Variants in TNXB observed in about 807,000 individuals in gnomAD.
The protein encoded by TNXB is tenascin XB, also known as tenascin-X.
In TNXB, 183 loss-of-function variants were observed where a neutral mutation model predicts 340.5. The ratio of observed to expected loss-of-function variants is 0.54; its 90% CI spans 0.48 to 0.61. The LOEUF (loss-of-function observed/expected upper bound fraction) is 0.61. TNXB is among the 20% of genes least tolerant of loss of function. The pLI, the probability that TNXB is intolerant of heterozygous loss-of-function variation, is 0.00. For synonymous variants in TNXB, 2,121 were observed against 2,314.5 expected (o/e 0.92, Z 2.40); for missense variants, 4,613 against 5,446.4 (o/e 0.85, Z 4.82).
Position 32,058,894 on chromosome 6 carries a change from T to C in TNXB, c.7493-504A>G, listed in dbSNP as rs1260251080. Among the ~76,000 whole-genome samples, 4 of 151,896 alleles carry C rather than the reference T, an allele frequency of 2.6e-5. No individual in the cohort carries two copies. The highest frequency in any genetic ancestry group is 4.4e-5 in the Non-Finnish European group (3 of 68,040). On this transcript the variant is annotated intron_variant, in intron 21 of 43. Transcript: ENST00000644971. This position sits in a 1 kb window ranked among gnomAD's most constrained non-coding sequence, Gnocchi z 5.1. ...GTTGTGTAGCCGTGAGGTGAATGAT[T>C]ACAATGTACTTGTGTACAAAAAAGG...
rs1780346210 is a variant in TNXB, at chr6:32,096,242, A to G, written c.1611T>C (p.Leu537=). The G allele has an allele frequency of 6.4e-7, 1 of 1,567,920 alleles. No individual in the cohort carries two copies. Among genetic ancestry groups the G allele is most frequent in the South Asian group, 1.2e-5 (1 of 85,844 alleles). The change falls in exon 3 of 44, where the codon CTT becomes CTC. Residue 537 remains leucine (L), a synonymous_variant. Transcript: ENST00000644971. The stretch of plus-strand genomic sequence containing the variant: ...CACACACGCACACGCCATCCTCGCA[A>G]AGGCCGTGCCCACGGCAGTCCCCGG... ...RCPGDCRGHG[L]CEDGVCVCDA...
In TNXB at chr6:32,082,945, C is replaced by T. The variant is rs1306131132; in HGVS notation, c.3446-619G>A. 2.6e-5 allele frequency among the ~76,000 whole-genome samples: 4 copies of T among 152,180 alleles called. No homozygotes were observed. The highest frequency in any genetic ancestry group is 9.7e-5 in the African/African-American group (4 of 41,436). On this transcript the variant is annotated intron_variant, in intron 8 of 43. Coordinates refer to ENST00000644971, the MANE Select transcript of TNXB (RefSeq NM_001365276.2). The surrounding 1 kb of genome is among the most constrained non-coding windows in gnomAD (Gnocchi z 5.0). Reference sequence around the variant, plus strand: ...ACCCCCACTCTGTGTGCATCTCTCTCTAGCCTCCATCTTCCCTCTTTGCTC... The same window carrying T: ...ACCCCCACTCTGTGTGCATCTCTCTTTAGCCTCCATCTTCCCTCTTTGCTC...
In TNXB at chr6:32,102,672, G is replaced by A. The variant is rs1268728988; in HGVS notation, c.-8-4466C>T. On this transcript the variant is annotated intron_variant, in intron 1 of 43. Coordinates refer to ENST00000644971, the MANE Select transcript of TNXB (RefSeq NM_001365276.2). Reference sequence around the variant, plus strand: ...TGCAGTGGCTCATGCCTGTAATCCCGGCACTTTGGGAAGCCGAGGCGGGCG... The same window carrying A: ...TGCAGTGGCTCATGCCTGTAATCCCAGCACTTTGGGAAGCCGAGGCGGGCG... Among the ~76,000 whole-genome samples the A allele has an allele frequency of 3.3e-5, 5 of 151,326 alleles. No individual in the cohort carries two copies. In the South Asian group the frequency reaches 6.3e-4, roughly 19 times the overall value.
intron 3 of TNXB, 134 bp downstream of exon 3, chr6:32,095,477 G>A: frequency 8.6e-7 from 1 of 1,169,530 alleles, no homozygotes; most frequent in Non-Finnish European, 1.2e-6. Context: ...CTGTGGTTCT[G>A]CTGCCCCTGG....
rs956227150 is a variant in TNXB, at chr6:32,046,661, C to G, written c.10325-205G>C. ...CCCCTCCTCCTCTGGAGGCTGCTGCCCAAACTCCTTCCTGCCCCGCCCCTT... is the reference window on the plus strand; with the variant it reads ...CCCCTCCTCCTCTGGAGGCTGCTGCGCAAACTCCTTCCTGCCCCGCCCCTT... On this transcript the variant is annotated intron_variant, in intron 30 of 43. Coordinates refer to ENST00000644971, the MANE Select transcript of TNXB (RefSeq NM_001365276.2). This position sits in a 1 kb window ranked among gnomAD's most constrained non-coding sequence, Gnocchi z 6.9. 1 of 482,002 alleles carries G rather than the reference C, an allele frequency of 2.1e-6. No homozygotes were observed. The allele number at this position is 482,002 out of a possible 1,614,324, so 29.9% of individuals were successfully genotyped here. A position where few individuals can be genotyped will look rare whatever the true frequency, so the allele number is the denominator to read the frequency against.
chr6:32,067,772 C>T lies in TNXB; in HGVS notation c.6433G>A (p.Glu2145Lys). 6 of 1,613,702 alleles carry T rather than the reference C, an allele frequency of 3.7e-6. No individual in the cohort carries two copies. Among genetic ancestry groups the T allele is most frequent in the Non-Finnish European group, 4.2e-6 (5 of 1,179,882 alleles). ...AGGCCCCCCACGGTGACTTCACTCTCCTCGCCCCCAACACGCACCACCTGG... is the reference window on the plus strand; with the variant it reads ...AGGCCCCCCACGGTGACTTCACTCTTCTCGCCCCCAACACGCACCACCTGG... ...RPQVVRVGGE[E>K]SEVTVGGLEP... is the part of the protein sequence containing the mutation. Residue 2145 changes from glutamate to lysine, a missense_variant, in exon 18 of 44, where the codon GAG (glutamate) becomes AAG (lysine). Glu to Lys is a moderately conservative substitution (Grantham distance 56, BLOSUM62 1). Transcript: ENST00000644971. This position sits in a 1 kb window ranked among gnomAD's most constrained non-coding sequence, Gnocchi z 4.2.
intron 21 of TNXB, among the ~76,000 whole-genome samples, chr6:32,060,888 C>T (rs979927211): frequency 1.3e-5 from 2 of 152,040 alleles, no homozygotes; most frequent in African/African-American, 4.8e-5. Context: ...ATCAGCCCGC[C>T]TCGGCCTCCC....
intron 21 of TNXB, among the ~76,000 whole-genome samples, chr6:32,059,074 C>A (rs1338667684): frequency 6.6e-6 from 1 of 151,834 alleles, no homozygotes; most frequent in Non-Finnish European, 1.5e-5. Context: ...GTTTTTCAAG[C>A]TTTCCACATA....
rs1470766443 is a variant in TNXB at position 32,095,119 on chromosome 6, G to C, written c.2315C>G (p.Ala772Gly). 5 of 1,549,542 alleles carry C rather than the reference G, an allele frequency of 3.2e-6. No individual in the cohort carries two copies. In the Admixed American group the frequency reaches 7.8e-5, roughly 24 times the overall value. ...ETTVRTEWTP[A>G]PGPVDAYEIQ... ...TTCATAGGCATCCACGGGGCCAGGAGCCGGGGTCCACTCTGTCCGAACTGT... is the reference window on the plus strand; with the variant it reads ...TTCATAGGCATCCACGGGGCCAGGACCCGGGGTCCACTCTGTCCGAACTGT... The change falls in exon 4 of 44, where the codon GCT (alanine) becomes GGT (glycine). Residue 772 changes from alanine (A) to glycine (G), a missense_variant. Ala to Gly is a moderately conservative substitution (Grantham distance 60). Around this residue, in one of 7 missense-constraint regions of TNXB, gnomAD observed 4,327 missense variants for 4,859.4 expected, o/e 0.89. Coordinates refer to ENST00000644971, the MANE Select transcript of TNXB (RefSeq NM_001365276.2).
intron 24 of TNXB, among the ~76,000 whole-genome samples, chr6:32,055,138 C>T (rs1316227231): frequency 6.6e-6 from 1 of 152,184 alleles, no homozygotes; most frequent in Non-Finnish European, 1.5e-5. Context: ...AGGGTTATCC[C>T]TTCTTCCTGA....
intron 1 of TNXB, among the ~76,000 whole-genome samples, chr6:32,101,889 A>G (rs1460155053): frequency 6.6e-6 from 1 of 151,970 alleles, no homozygotes; most frequent in African/African-American, 2.4e-5. Flanking sequence ...ATGCCTGGCT[A>G]ATTTTTAAAT....
intron 24 of TNXB, among the ~76,000 whole-genome samples, chr6:32,054,288 C>T (rs1405624225): frequency 6.6e-6 from 1 of 152,216 alleles, no homozygotes; most frequent in African/African-American, 2.4e-5. Context: ...ACCCCATCCC[C>T]ATCTTTAGCT....
Position 32,062,017 on chromosome 6 carries a change from T to C in TNXB, c.7168+140A>G, listed in dbSNP as rs1778048457. The C allele has an allele frequency of 1.3e-5, 16 of 1,193,110 alleles. No individual in the cohort carries two copies. The South Asian group carries it at 1.9e-4, about 14-fold the overall frequency. The allele number at this position is 1,193,110 out of a possible 1,614,324, so 73.9% of individuals were successfully genotyped here. A position where few individuals can be genotyped will look rare whatever the true frequency, so the allele number is the denominator to read the frequency against. ...GCCAGGGGTCAACCACACAAAAAGGTACAATGGGAGCCCCAGCCCCAGCCA... is the reference window on the plus strand; with the variant it reads ...GCCAGGGGTCAACCACACAAAAAGGCACAATGGGAGCCCCAGCCCCAGCCA... On this transcript the variant is annotated intron_variant, in intron 20 of 43. Coordinates refer to ENST00000644971, the MANE Select transcript of TNXB (RefSeq NM_001365276.2). The surrounding 1 kb of genome is among the most constrained non-coding windows in gnomAD (Gnocchi z 4.3).
intron 11 of TNXB, among the ~76,000 whole-genome samples, chr6:32,076,561 G>A (rs1779091812): frequency 6.6e-6 from 1 of 152,258 alleles, no homozygotes; most frequent in African/African-American, 2.4e-5. Flanking sequence ...AGCAAAAGAT[G>A]AATGAGCTGA....
At position 32,082,235 on chromosome 6, in the gene TNXB, C is replaced by G. The variant is rs755019154; in HGVS notation, c.3537G>C (p.Trp1179Cys). The G allele has an allele frequency of 2.5e-6, 4 of 1,610,554 alleles. No homozygotes were observed. The highest frequency in any genetic ancestry group is 1.7e-5 in the Admixed American group (1 of 60,004). The change falls in exon 9 of 44, where the codon TGG becomes TGC. Residue 1179 changes from tryptophan (W) to cysteine (C), a missense_variant. This residue lies in a region of TNXB where 4,327 missense variants were observed against 4,859.4 expected (regional missense o/e 0.89). Coordinates refer to ENST00000644971, the MANE Select transcript of TNXB (RefSeq NM_001365276.2). The surrounding 1 kb of genome is among the most constrained non-coding windows in gnomAD (Gnocchi z 5.0). ...TGTCAAACTGGCCCTCAGGGACAGT[C>G]CAGGAGAGGTGCAGTGAATCTGGGG... ...DPTPDSLHLS[W>C]TVPEGQFDTF... is the part of the protein sequence containing the mutation.
chr6:32,046,638 C>T lies in TNXB; in HGVS notation c.10325-182G>A. ...CCACAGGAATGAGGGAGAACAGCCCCCTCCTCCTCTGGAGGCTGCTGCCCA... is the reference window on the plus strand; with the variant it reads ...CCACAGGAATGAGGGAGAACAGCCCTCTCCTCCTCTGGAGGCTGCTGCCCA... On this transcript the variant is annotated intron_variant, in intron 30 of 43. Transcript: ENST00000644971. The surrounding 1 kb of genome is among the most constrained non-coding windows in gnomAD (Gnocchi z 6.9). The T allele has an allele frequency of 1.9e-6, 1 of 521,236 alleles. No homozygotes were observed. Among genetic ancestry groups the T allele is most frequent in the South Asian group, 4.5e-5 (1 of 22,216 alleles). The allele number at this position is 521,236 out of a possible 1,614,324, so 32.3% of individuals were successfully genotyped here.
rs750107945 is a variant in TNXB, at chr6:32,064,775, C to T, written c.6841+46G>A. 4.4e-6 allele frequency: 7 copies of T among 1,583,414 alleles called. No individual in the cohort carries two copies. Among genetic ancestry groups the T allele is most frequent in the Non-Finnish European group, 6.0e-6 (7 of 1,163,808 alleles). On this transcript the variant is annotated intron_variant, in intron 19 of 43. Transcript: ENST00000644971. The surrounding 1 kb of genome is among the most constrained non-coding windows in gnomAD (Gnocchi z 5.3). ...CCAGATACTGACAATAAAAGGGAAACTGAGTCTAGTTCAGGGCAGGGCCCA... is the reference window on the plus strand; with the variant it reads ...CCAGATACTGACAATAAAAGGGAAATTGAGTCTAGTTCAGGGCAGGGCCCA...
At position 32,050,166 on chromosome 6, in the gene TNXB, G is replaced by A; in HGVS notation, c.9271C>T (p.Leu3091=). The change falls in exon 27 of 44, where the codon CTG becomes TTG. Residue 3091 remains leucine (L), a synonymous_variant. Coordinates refer to ENST00000644971, the MANE Select transcript of TNXB (RefSeq NM_001365276.2). The part of the protein sequence containing the change: ...MVPEGQFDHF[L]VQYRNGDGQP... ...CCATCCCCATTCCTGTACTGGACCAGGAAGTGGTCAAACTGGCCCTCGGGA... is the reference window on the plus strand; with the variant it reads ...CCATCCCCATTCCTGTACTGGACCAAGAAGTGGTCAAACTGGCCCTCGGGA... 1 of 1,613,878 alleles carries A rather than the reference G, an allele frequency of 6.2e-7. No homozygotes were observed. The highest frequency in any genetic ancestry group is 8.5e-7 in the Non-Finnish European group (1 of 1,179,886).
chr6:32,062,584 T>C lies in TNXB; in HGVS notation c.6842-101A>G, dbSNP rs1228599347. 8.8e-7 allele frequency: 1 copy of C among 1,132,860 alleles called. No homozygotes were observed. Among genetic ancestry groups the C allele is most frequent in the Non-Finnish European group, 1.2e-6 (1 of 816,494 alleles). The allele number at this position is 1,132,860 out of a possible 1,614,324, so 70.2% of individuals were successfully genotyped here. A position where few individuals can be genotyped will look rare whatever the true frequency, so the allele number is the denominator to read the frequency against. On this transcript the variant is annotated intron_variant, in intron 19 of 43. Transcript: ENST00000644971. This position sits in a 1 kb window ranked among gnomAD's most constrained non-coding sequence, Gnocchi z 4.3. Reference sequence around the variant, plus strand: ...ACACACCAAGGGCCCACAGTCTGGATGCTGGTGCCCCAAGCTTAGAATATC... The same window carrying C: ...ACACACCAAGGGCCCACAGTCTGGACGCTGGTGCCCCAAGCTTAGAATATC...
Sources: allele counts gnomAD v4.1 joint callset (sites outside exome capture counted in the v4.1 genomes callset), GRCh38; gene constraint gnomAD v4.1.1; regional missense constraint gnomAD v4.1.1; non-coding constraint Gnocchi (gnomAD v3.1); transcripts MANE v1.5; gene names NCBI Gene and HGNC (gene_info 2026-07-23, HGNC 2026-07-21).